Variants in ESF1 observed in about 807,000 individuals in gnomAD.
The protein encoded by ESF1 is ESF1 nucleolar pre-rRNA processing protein, also known as ESF1 homolog.
A neutral mutation model predicts 92.0 loss-of-function variants in ESF1; 58 were observed. That is an observed-to-expected ratio of 0.63 (90% CI 0.51 to 0.78). The LOEUF is 0.78. Ranked by LOEUF, ESF1 falls within the 30% of genes least tolerant of loss-of-function variation. The pLI, the probability that ESF1 is intolerant of heterozygous loss-of-function variation, is 0.00. For missense variants in ESF1, 922 were observed against 989.1 expected (o/e 0.93, Z 0.91); for synonymous variants, 321 against 313.7 (o/e 1.02, Z -0.24).
intron 7 of ESF1, among the ~76,000 whole-genome samples, chr20:13,769,677 T>G (rs998054662): frequency 6.6e-6 from 1 of 151,994 alleles, no homozygotes; most frequent in Non-Finnish European, 1.5e-5. Flanking sequence ...TCCCAGCTAC[T>G]TGGGCAGCTG....
intron 2 of ESF1, among the ~76,000 whole-genome samples, chr20:13,777,085 C>G (rs903257178): frequency 1.3e-5 from 2 of 152,186 alleles, no homozygotes; most frequent in Non-Finnish European, 2.9e-5. Flanking sequence ...TTGAGGAGAT[C>G]ACCTTGACTA....
chr20:13,731,021 G>A (rs1173071213), intron 10 of ESF1, among the ~76,000 whole-genome samples: 1 of 152,138 alleles, frequency 6.6e-6, no homozygotes, highest in Non-Finnish European at 1.5e-5. Context: ...GGCCGGTACT[G>A]AGTACTGTAG....
intron 8 of ESF1, among the ~76,000 whole-genome samples, chr20:13,760,169 A>G (rs1979096149): frequency 6.6e-6 from 1 of 152,348 alleles, no homozygotes; most frequent in Admixed American, 6.5e-5. Flanking sequence ...TGAAGATGGC[A>G]TTTTCACCCT....
chr20:13,768,353 CG>C (rs1979521928), intron 7 of ESF1, among the ~76,000 whole-genome samples: 1 of 152,080 alleles, frequency 6.6e-6, no homozygotes, highest in Non-Finnish European at 1.5e-5. Context: ...GAGGCCAAGG[CG>C]GGTGGATCAC....
intron 13 of ESF1, among the ~76,000 whole-genome samples, chr20:13,715,383 C>A (rs933610149): frequency 3.9e-5 from 6 of 151,998 alleles, no homozygotes; most frequent in Admixed American, 6.6e-5. Flanking sequence ...TCTTATCATG[C>A]AAGGACAATG....
At chr20:13,737,177 G>GTGCATATCCAAGGACTTC (rs2049980832) in intron 9 of ESF1, among the ~76,000 whole-genome samples, 1 of 152,144 alleles carries the variant, frequency 6.6e-6, no homozygotes, top group South Asian at 2.1e-4. Context: ...AAAATTTTAA[G>GTGCATATCCAAGGACTTC]TGCATATCCA....
At chr20:13,745,079 A>G (rs139238454) in intron 9 of ESF1, among the ~76,000 whole-genome samples, 36 of 152,352 alleles carry the variant, frequency 2.4e-4, no homozygotes, top group African/African-American at 8.7e-4. Flanking sequence ...TTATGTACTC[A>G]AATGGCAAAA....
chr20:13,772,258 A>G (rs562129833), intron 5 of ESF1, among the ~76,000 whole-genome samples: 65 of 152,200 alleles, frequency 4.3e-4, no homozygotes, highest in African/African-American at 1.5e-3. Context: ...AAGAACTCCA[A>G]ATCAGTTTAA....
chr20:13,770,161 C>CATTGTATATTT, intron 6 of ESF1, 140 bp from the exon 7 acceptor site: 1 of 563,748 alleles, frequency 1.8e-6, no homozygotes, highest in Non-Finnish European at 3.1e-6. Flanking sequence ...TTAGACATAA[C>CATTGTATATTT]CTTTGTATAT....
chr20:13,728,112 T>C (rs1473745755), intron 11 of ESF1, among the ~76,000 whole-genome samples: 4 of 152,184 alleles, frequency 2.6e-5, no homozygotes, highest in Non-Finnish European at 5.9e-5. Flanking sequence ...ACTAAGGATA[T>C]TTCCCAGAAA....
rs548540120 is a variant in ESF1 at position 13,772,587 on chromosome 20, C to T, written c.1178G>A (p.Arg393Lys). The T allele has an allele frequency of 2.5e-6, 4 of 1,612,466 alleles. 1 individual carries two copies. In the South Asian group the frequency reaches 4.4e-5, roughly 18 times the overall value. Residue 393 changes from arginine to lysine, a missense_variant, in exon 5 of 14, where the codon AGG (arginine) becomes AAG (lysine). By Grantham distance (26) the Arg-to-Lys change is conservative. Transcript: ENST00000617257. ...KIYPSEFGKE[R>K]MKEEQVQGPV... ...TCCTTGAACTTGCTCTTCCTTCATC[C>T]TCTCCTTTCCAAATTCTGAAGGATA...
At chr20:13,776,443 T>C (rs1360208247) in intron 2 of ESF1, among the ~76,000 whole-genome samples, 173 bp from the exon 3 acceptor site, 2 of 152,190 alleles carry the variant, frequency 1.3e-5, no homozygotes, top group African/African-American at 4.8e-5. Flanking sequence ...ATCCTAACCA[T>C]AACTTCTATG....
Position 13,759,838 on chromosome 20 carries a change from T to C in ESF1, c.1682A>G (p.Asn561Ser), listed in dbSNP as rs767763694. 7.5e-6 allele frequency: 12 copies of C among 1,595,574 alleles called. No homozygotes were observed. Among genetic ancestry groups the C allele is most frequent in the Middle Eastern group, 1.7e-4 (1 of 6,028 alleles). ...CTTTGTTTTCCCATCTTCTTCTACA[T>C]TGACTCCATCATCACCTAATGAAAA... is the stretch of plus-strand genomic sequence containing the variant. Reference protein sequence around the residue: ...EEELQGDDGVNVEEDGKTKKS... With the variant: ...EEELQGDDGVSVEEDGKTKKS... Residue 561 changes from asparagine (N) to serine (S), a missense_variant, in exon 9 of 14, where the codon AAT becomes AGT. Coordinates refer to ENST00000617257, the MANE Select transcript of ESF1 (RefSeq NM_001276380.2).
At chr20:13,760,183 T>C (rs529706960) in intron 8 of ESF1, among the ~76,000 whole-genome samples, 1 of 152,342 alleles carries the variant, frequency 6.6e-6, no homozygotes, top group South Asian at 2.1e-4. Flanking sequence ...TCACCCTCTC[T>C]GGGAAGTGAG....
At chr20:13,766,678 T>C (rs1979440181) in intron 8 of ESF1, 99 bp downstream of exon 8, 17 of 1,164,866 alleles carry the variant, frequency 1.5e-5, no homozygotes, top group Non-Finnish European at 1.8e-5. Flanking sequence ...TATATAATAC[T>C]GTGCATGTGA....
At chr20:13,730,780 C>G (rs1192460701) in intron 10 of ESF1, among the ~76,000 whole-genome samples, 1 of 151,188 alleles carries the variant, frequency 6.6e-6, no homozygotes, top group African/African-American at 2.4e-5. Context: ...TGCTATGTAC[C>G]TACTCAACAC....
rs528527038 is a variant in ESF1, at chr20:13,770,156, C to T, written c.1404-135G>A. The T allele has an allele frequency of 2.1e-4, 122 of 573,024 alleles. No homozygotes were observed. The East Asian group carries it at 3.5e-3, about 16-fold the overall frequency. The allele number at this position is 573,024 out of a possible 1,614,324, so 35.5% of individuals were successfully genotyped here. A position where few individuals can be genotyped will look rare whatever the true frequency, so the allele number is the denominator to read the frequency against. On this transcript the variant is annotated intron_variant, in intron 6 of 13. Transcript: ENST00000617257. ...CACACGTTTAAGAGACAATGTTAGA[C>T]ATAACCTTTGTATATTTCTGAATGA...
At chr20:13,746,295 C>T (rs2050047866) in intron 9 of ESF1, among the ~76,000 whole-genome samples, 2 of 152,220 alleles carry the variant, frequency 1.3e-5, no homozygotes, top group South Asian at 4.2e-4. Flanking sequence ...TGTAAATACA[C>T]ACTTTAATAT....
intron 8 of ESF1, among the ~76,000 whole-genome samples, chr20:13,760,664 G>T (rs1033769826): frequency 2.0e-5 from 3 of 151,294 alleles, no homozygotes; most frequent in South Asian, 2.1e-4. Flanking sequence ...GGAGGGAGGC[G>T]GGGGGTCAGC....
Sources: gnomAD v4.1 joint callset for allele counts (sites outside exome capture counted in the v4.1 genomes callset) on GRCh38, gnomAD v4.1.1 for gene constraint, MANE v1.5 for transcripts, NCBI Gene and HGNC (gene_info 2026-07-23, HGNC 2026-07-21) for gene names.